TRPS1: variants seen among roughly 807,000 people sequenced by gnomAD.
TRPS1 encodes zinc finger transcription factor Trps1.
In TRPS1, 6 loss-of-function variants were observed where a neutral mutation model predicts 101.2. The ratio of observed to expected loss-of-function variants is 0.06; its 90% CI spans 0.03 to 0.12. TRPS1 has a LOEUF of 0.12. Among genes scored for constraint, TRPS1 ranks in the 10% least tolerant of loss-of-function variants. The pLI, the probability that TRPS1 is intolerant of heterozygous loss-of-function variation, is 1.00. For missense variants in TRPS1, 1,363 were observed against 1,567.0 expected (o/e 0.87, Z 2.20); for synonymous variants, 578 against 589.8 (o/e 0.98, Z 0.29).
At chr8:115,433,547 T>C (rs557828756) in intron 5 of TRPS1, among the ~76,000 whole-genome samples, 89 of 152,234 alleles carry the variant, frequency 5.8e-4, no homozygotes, top group African/African-American at 2.1e-3. Context: ...AACAAATGTT[T>C]AAGTCATGAT....
At chr8:115,533,436 GTTTTTTTTT>G (rs1161916592) in intron 5 of TRPS1, among the ~76,000 whole-genome samples, 13 of 35,002 alleles carry the variant, frequency 3.7e-4, no homozygotes, top group African/African-American at 1.2e-3. Context: ...CATGTAATCT[GTTTTTTTTT>G]TTTTTTTTTT....
chr8:115,633,147 A>C (rs979341174), intron 1 of TRPS1, among the ~76,000 whole-genome samples: 9 of 152,104 alleles, frequency 5.9e-5, no homozygotes, highest in African/African-American at 2.2e-4. Flanking sequence ...TACGGGAGAA[A>C]GGGCCAGGAT....
intron 5 of TRPS1, among the ~76,000 whole-genome samples, chr8:115,455,876 C>T (rs374108937): frequency 1.3e-5 from 2 of 150,410 alleles, no homozygotes; most frequent in Non-Finnish European, 3.0e-5. Context: ...GCTCCACCTC[C>T]TGGGTTCACA....
chr8:115,667,790 T>C, intron 1 of TRPS1: 1 of 1,506,574 alleles, frequency 6.6e-7, no homozygotes, highest in Non-Finnish European at 8.9e-7. Context: ...CCAAAGGCAG[T>C]CCTGTGCTGT....
chr8:115,558,214 T>C (rs749865618), intron 5 of TRPS1, among the ~76,000 whole-genome samples: 8 of 152,172 alleles, frequency 5.3e-5, no homozygotes, highest in Non-Finnish European at 1.0e-4. Context: ...CACATGATGA[T>C]AAACCATCTT....
intron 3 of TRPS1, among the ~76,000 whole-genome samples, chr8:115,610,044 GACACTTCA>G (rs1265050434): frequency 6.6e-6 from 1 of 152,144 alleles, no homozygotes; most frequent in Non-Finnish European, 1.5e-5. Flanking sequence ...CTCTTAAAAT[GACACTTCA>G]ACACATGTAC....
intron 1 of TRPS1, among the ~76,000 whole-genome samples, chr8:115,644,643 G>T (rs1052022801): frequency 1.3e-5 from 2 of 152,118 alleles, no homozygotes; most frequent in African/African-American, 4.8e-5. Flanking sequence ...CTTTTCCTTT[G>T]CATTCACAAC....
Position 115,668,741 on chromosome 8 carries a change from GAA to G in TRPS1, c.-320_-319del, listed in dbSNP as rs199575103. 0.018 allele frequency: 2,657 copies of G among 144,390 alleles called. 61 individuals are homozygous for G. Among genetic ancestry groups the G allele is most frequent in the African/African-American group, 0.054 (2,037 of 38,016 alleles). 8.9% of individuals were successfully genotyped at this position (144,390 alleles called of 1,614,324 possible). ...AAAGAGAGAGAGAGAGAGAGAGAGA[GAA>G]AGAGAAAGGAAATAGAGCAAGGATG... On this transcript the variant is annotated 5_prime_UTR_variant, in exon 1 of 7. Coordinates refer to ENST00000395715, the MANE Select transcript of TRPS1 (RefSeq NM_014112.5).
chr8:115,587,096 C>A lies in TRPS1; in HGVS notation c.2605G>T (p.Ala869Ser). The change falls in exon 5 of 7, where the codon GCG becomes TCG. Residue 869 changes from alanine to serine, a missense_variant. Ala to Ser is a moderately conservative substitution (Grantham distance 99). This residue lies in a region of TRPS1 where 1,020 missense variants were observed against 1,073.0 expected (regional missense o/e 0.95). Transcript: ENST00000395715. ...CCAGACTTCTCTCCGCCAGCTGGCG[C>A]CCCCTGCAGGAATCCCTTGGTTTCC... ...AVETKGFLQGAPAGGEKSGAL... is the reference protein window; with the variant it reads ...AVETKGFLQGSPAGGEKSGAL... The A allele has an allele frequency of 1.2e-6, 2 of 1,614,126 alleles. No homozygotes were observed. The highest frequency in any genetic ancestry group is 8.5e-7 in the Non-Finnish European group (1 of 1,180,020).
intron 5 of TRPS1, among the ~76,000 whole-genome samples, chr8:115,430,315 G>C (rs541451184): frequency 6.6e-6 from 1 of 152,138 alleles, no homozygotes; most frequent in Non-Finnish European, 1.5e-5. Context: ...GGGAAAGGAG[G>C]CTCTTGAAGA....
At chr8:115,596,315 A>C (rs2130469165) in intron 4 of TRPS1, among the ~76,000 whole-genome samples, 1 of 152,028 alleles carries the variant, frequency 6.6e-6, no homozygotes, top group Non-Finnish European at 1.5e-5. Flanking sequence ...TTTCACAGTA[A>C]GTTATTTAAT....
chr8:115,454,009 C>T (rs1192492123), intron 5 of TRPS1, among the ~76,000 whole-genome samples: 1 of 152,160 alleles, frequency 6.6e-6, no homozygotes, highest in South Asian at 2.1e-4. Context: ...CACTTGGCTG[C>T]TTTCAAAAAG....
chr8:115,525,812 T>C (rs1392954765), intron 5 of TRPS1, among the ~76,000 whole-genome samples: 1 of 152,146 alleles, frequency 6.6e-6, no homozygotes, highest in Non-Finnish European at 1.5e-5. Context: ...ATCACAAAAA[T>C]TTCTAAGAGC....
At position 115,604,827 on chromosome 8, in the gene TRPS1, G is replaced by C; in HGVS notation, c.1142C>G (p.Ser381Cys). 1 of 1,614,098 alleles carries C rather than the reference G, an allele frequency of 6.2e-7. No homozygotes were observed. The highest frequency in any genetic ancestry group is 2.2e-5 in the East Asian group (1 of 44,880). The change falls in exon 4 of 7, where the codon TCC becomes TGC. Residue 381 changes from serine (S) to cysteine (C), a missense_variant. Ser to Cys is a moderately radical substitution (Grantham distance 112). Around this residue, in one of 5 missense-constraint regions of TRPS1, gnomAD observed 1,020 missense variants for 1,073.0 expected, o/e 0.95. Coordinates refer to ENST00000395715, the MANE Select transcript of TRPS1 (RefSeq NM_014112.5). This position sits in a 1 kb window ranked among gnomAD's most constrained non-coding sequence, Gnocchi z 4.1. ...HPNKIKASLPSSEVAKPSEKN... is the reference protein window; with the variant it reads ...HPNKIKASLPCSEVAKPSEKN... ...CTCTGAAGGTTTTGCAACCTCAGAG[G>C]AGGGGAGAGAAGCTTTTATTTTGTT...
At chr8:115,571,298 C>T (rs1269660740) in intron 5 of TRPS1, among the ~76,000 whole-genome samples, 1 of 150,982 alleles carries the variant, frequency 6.6e-6, no homozygotes, top group Admixed American at 6.6e-5. Context: ...CTGTGATCAT[C>T]ACACAACGAA....
At chr8:115,591,038 T>A (rs1277247937) in intron 4 of TRPS1, among the ~76,000 whole-genome samples, 2 of 151,986 alleles carry the variant, frequency 1.3e-5, no homozygotes, top group Admixed American at 6.6e-5. Flanking sequence ...CAGTAGAATA[T>A]ATTCTATGCT....
At chr8:115,606,071 G>A (rs1483775856) in intron 3 of TRPS1, among the ~76,000 whole-genome samples, 3 of 152,178 alleles carry the variant, frequency 2.0e-5, no homozygotes, top group African/African-American at 7.2e-5. Flanking sequence ...TATTAAGCAA[G>A]TGGCATAATC....
chr8:115,571,119 A>G (rs1817193200), intron 5 of TRPS1, among the ~76,000 whole-genome samples: 1 of 152,234 alleles, frequency 6.6e-6, no homozygotes, highest in African/African-American at 2.4e-5. Context: ...TTATGATTAG[A>G]GTTCATAGTC....
At chr8:115,605,192 G>A (rs1818009516) in intron 3 of TRPS1, among the ~76,000 whole-genome samples, 190 bp from the exon 4 acceptor site, 1 of 152,174 alleles carries the variant, frequency 6.6e-6, no homozygotes. Context: ...GCTACTCTTT[G>A]AGAGGCTCAT....
Sources: gnomAD v4.1 joint callset for allele counts (sites outside exome capture counted in the v4.1 genomes callset) on GRCh38, gnomAD v4.1.1 for gene constraint, gnomAD v4.1.1 regional missense constraint, Gnocchi (gnomAD v3.1) non-coding constraint, MANE v1.5 for transcripts, NCBI Gene and HGNC (gene_info 2026-07-23, HGNC 2026-07-21) for gene names.